The following RRM1 variants were observed in gnomAD, a reference collection of about 807,000 sequenced individuals.
RRM1 encodes ribonucleotide reductase catalytic subunit M1.
In RRM1, 19 loss-of-function variants were observed where a neutral mutation model predicts 101.5. The ratio of observed to expected loss-of-function variants is 0.19; its 90% confidence interval spans 0.13 to 0.27. The LOEUF is 0.27. Among genes scored for constraint, RRM1 ranks in the 10% least tolerant of loss-of-function variants. The pLI is 1.00. For missense variants in RRM1, 500 were observed against 962.9 expected (o/e 0.52, Z 6.36); for synonymous variants, 298 against 323.4 (o/e 0.92, Z 0.84).
rs553674496 is a variant in RRM1, at chr11:4,118,865, C to T, written c.792+404C>T. ...CAGGAATTTTATTCCTTAAAATAAC[C>T]TTGTGAATAAAGGTACCATTGTCTA... On this transcript the variant is annotated intron_variant, in intron 8 of 18. Transcript: ENST00000300738. Among the ~76,000 whole-genome samples the T allele has an allele frequency of 7.2e-5, 11 of 152,180 alleles. No individual in the cohort carries two copies. The South Asian group carries it at 2.3e-3, about 32-fold the overall frequency.
At chr11:4,113,065 A>G (rs180836925) in intron 7 of RRM1, among the ~76,000 whole-genome samples, 1 of 152,168 alleles carries the variant, frequency 6.6e-6, no homozygotes, top group African/African-American at 2.4e-5. Context: ...TAACAGGATT[A>G]ATGATGATGC....
chr11:4,125,155 C>T (rs2094587647), intron 12 of RRM1, among the ~76,000 whole-genome samples: 2 of 152,144 alleles, frequency 1.3e-5, no homozygotes, highest in South Asian at 4.2e-4. Context: ...CCTCGTGATC[C>T]GCCCACCTCA....
In RRM1 at chr11:4,135,286, CA is replaced by C. The variant is rs1205490423; in HGVS notation, c.2190+18del. On this transcript the variant is annotated intron_variant, in intron 18 of 18. Coordinates refer to ENST00000300738, the MANE Select transcript of RRM1 (RefSeq NM_001033.5). ...CTGGAAGCAGGTTGGTAGAGAATAT[CA>C]AGGAGTACTTAATTGCCAGCTTGAG... The C allele has an allele frequency of 3.2e-6, 5 of 1,561,698 alleles. No homozygotes were observed. The highest frequency in any genetic ancestry group is 4.4e-6 in the Non-Finnish European group (5 of 1,146,690).
At chr11:4,102,606 C>T (rs945163248) in intron 2 of RRM1, among the ~76,000 whole-genome samples, 10 of 149,132 alleles carry the variant, frequency 6.7e-5, no homozygotes, top group Admixed American at 4.0e-4. Flanking sequence ...GAGCCGAGAT[C>T]GTGCCACTGC....
At chr11:4,131,438 C>T (rs568975337) in intron 15 of RRM1, among the ~76,000 whole-genome samples, 1 of 152,266 alleles carries the variant, frequency 6.6e-6, no homozygotes, top group South Asian at 2.1e-4. Context: ...CTGTATGAAT[C>T]CATAGGTATA....
chr11:4,108,886 C>T lies in RRM1; in HGVS notation c.388-758C>T, dbSNP rs148487145. Among the ~76,000 whole-genome samples, 12 of 152,208 alleles carry T rather than the reference C, an allele frequency of 7.9e-5. No homozygotes were observed. In the East Asian group the frequency reaches 1.9e-3, roughly 24 times the overall value. On this transcript the variant is annotated intron_variant, in intron 4 of 18. Coordinates refer to ENST00000300738, the MANE Select transcript of RRM1 (RefSeq NM_001033.5). ...TTAAGAGAAAAGGAAAGCAAGCTTT[C>T]GTATAGGTTTTTCTAGTCCTTAGAT...
rs753459541 is a variant in RRM1 at position 4,111,599 on chromosome 11, A to G, written c.448-2A>G. The G allele has an allele frequency of 6.3e-7, 1 of 1,594,808 alleles. No homozygotes were observed. The highest frequency in any genetic ancestry group is 8.5e-7 in the Non-Finnish European group (1 of 1,170,284). ...AATTTTTTGTTGTTTCTCTCTTTCT[A>G]GACGCTAGAGCGGTCTTATTTGTTG... is the stretch of plus-strand genomic sequence containing the variant. On this transcript the variant is annotated splice_acceptor_variant, in intron 5 of 18. Transcript: ENST00000300738. LOFTEE classifies it high-confidence loss of function.
chr11:4,131,180 C>T (rs190860368), intron 15 of RRM1, among the ~76,000 whole-genome samples: 215 of 152,236 alleles, frequency 1.4e-3, no homozygotes, highest in Middle Eastern at 6.8e-3. Context: ...TTCTTTAATA[C>T]GGCGGCAAGC....
rs1472923582 is a variant in RRM1, at chr11:4,111,647, A to C, written c.487+7A>C. 1 of 1,599,946 alleles carries C rather than the reference A, an allele frequency of 6.3e-7. No homozygotes were observed. The highest frequency in any genetic ancestry group is 8.5e-7 in the Non-Finnish European group (1 of 1,170,114). ...TTGAAGATCAATGGAAAAGGTGAGA[A>C]ATGAACATGTTTGTCTGTTACATTT... On this transcript the variant is annotated splice_region_variant and intron_variant, in intron 6 of 18. Transcript: ENST00000300738.
At chr11:4,107,158 C>T (rs2094559429) in intron 3 of RRM1, among the ~76,000 whole-genome samples, 1 of 152,184 alleles carries the variant, frequency 6.6e-6, no homozygotes, top group African/African-American at 2.4e-5. Flanking sequence ...TCCCAAAGTC[C>T]TGGGATTACA....
At chr11:4,129,267 C>A in intron 15 of RRM1, 117 bp downstream of exon 15, 1 of 556,078 alleles carries the variant, frequency 1.8e-6, no homozygotes, top group Non-Finnish European at 3.2e-6. Context: ...ACAAATGGGG[C>A]TAAAATGGCC....
intron 15 of RRM1, 146 bp downstream of exon 15, chr11:4,129,296 T>C (rs1265859680): frequency 1.9e-6 from 1 of 519,338 alleles, no homozygotes; most frequent in African/African-American, 1.9e-5. Flanking sequence ...AAAACTATTT[T>C]GGGAAAAAAC....
chr11:4,129,446 T>G (rs534299846), intron 15 of RRM1, among the ~76,000 whole-genome samples: 144 of 152,070 alleles, frequency 9.5e-4, no homozygotes, highest in African/African-American at 3.2e-3. Context: ...TCTTTCTCAT[T>G]AAGGCTTTTT....
upstream of RRM1, chr11:4,094,722 C>G: frequency 1.9e-6 from 1 of 535,524 alleles, no homozygotes; most frequent in Middle Eastern, 5.0e-4. Flanking sequence ...GGCGGCTACA[C>G]GTCGCCTGTC....
intron 4 of RRM1, among the ~76,000 whole-genome samples, chr11:4,108,680 T>G (rs2094561613): frequency 6.7e-6 from 1 of 150,076 alleles, no homozygotes; most frequent in Non-Finnish European, 1.5e-5. Flanking sequence ...AGGAGAAAAC[T>G]GAGTTGTTTG....
At chr11:4,101,357 G>A (rs1393675745) in intron 1 of RRM1, among the ~76,000 whole-genome samples, 1 of 151,742 alleles carries the variant, frequency 6.6e-6, no homozygotes, top group Non-Finnish European at 1.5e-5. Flanking sequence ...TTGTTGTCCA[G>A]GCTGGAATGC....
chr11:4,119,346 GA>G (rs1247502347), intron 8 of RRM1: 1 of 175,014 alleles, frequency 5.7e-6, no homozygotes, highest in Non-Finnish European at 1.2e-5. Context: ...CTAGTCGTAG[GA>G]GTCTCTATTT....
chr11:4,125,564 G>A (rs1435705431), intron 12 of RRM1, among the ~76,000 whole-genome samples: 1 of 151,950 alleles, frequency 6.6e-6, no homozygotes. Context: ...TAATTTTCTT[G>A]CTTTTTCTCA....
intron 1 of RRM1, among the ~76,000 whole-genome samples, chr11:4,100,187 G>A (rs1228337640): frequency 6.6e-6 from 1 of 152,232 alleles, no homozygotes; most frequent in Admixed American, 6.5e-5. Flanking sequence ...GTGATAATGG[G>A]TTAATAGTGA....
Sources: gnomAD v4.1 joint callset for allele counts (sites outside exome capture counted in the v4.1 genomes callset) on GRCh38, gnomAD v4.1.1 for gene constraint, MANE v1.5 for transcripts, NCBI Gene and HGNC (gene_info 2026-07-23, HGNC 2026-07-21) for gene names.